The following CTDSPL2 variants were observed in gnomAD, a reference collection of about 807,000 sequenced individuals.
CTDSPL2 encodes the protein CTD small phosphatase like 2.
CTDSPL2 carries 5 observed loss-of-function variants against 60.0 expected under a neutral mutation model. That is an observed-to-expected ratio of 0.08 (90% confidence interval 0.04 to 0.18). The LOEUF (loss-of-function observed/expected upper bound fraction) is 0.18. CTDSPL2 is among the 10% of genes least tolerant of loss of function. The pLI is 1.00. For missense variants in CTDSPL2, 370 were observed against 548.8 expected, an observed-to-expected ratio of 0.67 and a Z score of 3.26; for synonymous variants, 186 against 189.3, an observed-to-expected ratio of 0.98 and a Z score of 0.14.
In CTDSPL2 at chr15:44,496,282, A is replaced by C. The variant is rs529136870; in HGVS notation, c.692-98A>C. Reference sequence around the variant, plus strand: ...CAAGTTATTTCTGTCTTTAAAATACACAAGGCTTTAGGAAGATCTTAGATA... The same window carrying C: ...CAAGTTATTTCTGTCTTTAAAATACCCAAGGCTTTAGGAAGATCTTAGATA... On this transcript the variant is annotated intron_variant, in intron 5 of 12. Coordinates refer to ENST00000260327, the MANE Select transcript of CTDSPL2 (RefSeq NM_016396.3). 118 of 803,880 alleles carry C rather than the reference A, an allele frequency of 1.5e-4. No homozygotes were observed. In the African/African-American group the frequency reaches 1.9e-3, roughly 13 times the overall value. 49.8% of individuals were successfully genotyped at this position (803,880 alleles called of 1,614,324 possible).
intron 4 of CTDSPL2, among the ~76,000 whole-genome samples, chr15:44,489,253 G>T (rs1380093136): frequency 1.3e-5 from 2 of 151,472 alleles, no homozygotes; most frequent in African/African-American, 2.4e-5. Flanking sequence ...CCTGCAACTA[G>T]GGTCTGAGAA....
At chr15:44,512,219 G>T (rs2081579677) in intron 8 of CTDSPL2, among the ~76,000 whole-genome samples, 1 of 151,894 alleles carries the variant, frequency 6.6e-6, no homozygotes, top group African/African-American at 2.4e-5. Flanking sequence ...AAAACAGCCT[G>T]AAACTTTTTG....
chr15:44,451,312 G>A (rs1036414369), intron 1 of CTDSPL2, among the ~76,000 whole-genome samples: 1 of 151,950 alleles, frequency 6.6e-6, no homozygotes, highest in African/African-American at 2.4e-5. Context: ...GTCTCCCTGT[G>A]TTGCCCAAGC....
chr15:44,499,240 A>G (rs373939921), intron 7 of CTDSPL2, among the ~76,000 whole-genome samples: 5 of 152,074 alleles, frequency 3.3e-5, no homozygotes, highest in East Asian at 3.9e-4. Flanking sequence ...CCCTGTCTCT[A>G]CTAAAAATAC....
intron 2 of CTDSPL2, among the ~76,000 whole-genome samples, chr15:44,462,282 T>C (rs2080587109): frequency 1.3e-5 from 2 of 152,280 alleles, no homozygotes; most frequent in East Asian, 3.9e-4. Context: ...TGTCCTTCTT[T>C]AGTAGCTTAA....
chr15:44,435,296 G>A (rs914416144), intron 1 of CTDSPL2, among the ~76,000 whole-genome samples: 10 of 149,426 alleles, frequency 6.7e-5, no homozygotes, highest in African/African-American at 2.5e-4. Flanking sequence ...CTAACTGTGC[G>A]CAATGGCTCA....
chr15:44,477,815 G>T lies in CTDSPL2; in HGVS notation c.187-6409G>T, dbSNP rs182094868. Among the ~76,000 whole-genome samples, 4 of 151,854 alleles carry T rather than the reference G, an allele frequency of 2.6e-5. No homozygotes were observed. In the East Asian group the frequency reaches 7.8e-4, roughly 29 times the overall value. ...ATCGTGCCATTGCACTCCATCCTGG[G>T]CAGCAAGAGCGAAACGTAGTCTCAA... On this transcript the variant is annotated intron_variant, in intron 2 of 12. Coordinates refer to ENST00000260327, the MANE Select transcript of CTDSPL2 (RefSeq NM_016396.3).
intron 1 of CTDSPL2, among the ~76,000 whole-genome samples, chr15:44,438,056 A>G (rs564391102): frequency 1.5e-4 from 23 of 152,212 alleles, no homozygotes; most frequent in African/African-American, 5.3e-4. Context: ...CGAGGTCAGG[A>G]GATTAAGACC....
At position 44,440,659 on chromosome 15, in the gene CTDSPL2, AT is replaced by A. The variant is rs145844391; in HGVS notation, c.-25+12897del. 8.3e-4 allele frequency among the ~76,000 whole-genome samples: 125 copies of A among 150,376 alleles called. 1 individual carries two copies. The highest frequency in any genetic ancestry group is 1.2e-3 in the Non-Finnish European group (80 of 67,370). On this transcript the variant is annotated intron_variant, in intron 1 of 12. Coordinates refer to ENST00000260327, the MANE Select transcript of CTDSPL2 (RefSeq NM_016396.3). ...AAAAAATTTAATTTCTGGTTTTTAA[AT>A]TTTTTTTTTAATTCATCTTGATTTC...
At chr15:44,508,567 C>T (rs1235655866) in intron 8 of CTDSPL2, among the ~76,000 whole-genome samples, 1 of 152,046 alleles carries the variant, frequency 6.6e-6, no homozygotes, top group Non-Finnish European at 1.5e-5. Flanking sequence ...AAACCTATTG[C>T]CACAATGTAG....
chr15:44,457,600 G>C (rs1454036573), intron 1 of CTDSPL2, among the ~76,000 whole-genome samples: 1 of 142,412 alleles, frequency 7.0e-6, no homozygotes, highest in Admixed American at 6.8e-5. Context: ...TTTTTTGGTT[G>C]GGGGGGGTGG....
In CTDSPL2 at chr15:44,525,984, A is replaced by C. The variant is rs1365935505; in HGVS notation, c.*1810A>C. The C allele has an allele frequency of 2.0e-5, 3 of 152,336 alleles. No homozygotes were observed. The highest frequency in any genetic ancestry group is 7.2e-5 in the African/African-American group (3 of 41,394). 9.4% of individuals were successfully genotyped at this position (152,336 alleles called of 1,614,324 possible). A position where few individuals can be genotyped will look rare whatever the true frequency, so the allele number is the denominator to read the frequency against. The stretch of plus-strand genomic sequence containing the variant: ...CATGGCAGATTTTCTGCAAAAAAAA[A>C]ACAAAAGCATTTGCAATTCAGAATA... On this transcript the variant is annotated 3_prime_UTR_variant, in exon 13 of 13. Transcript: ENST00000260327.
chr15:44,450,759 C>T (rs141062728), intron 1 of CTDSPL2, among the ~76,000 whole-genome samples: 153 of 151,696 alleles, frequency 1.0e-3, no homozygotes, highest in African/African-American at 3.3e-3. Context: ...CCATGTCCGG[C>T]TAATTTTTGT....
chr15:44,483,430 C>T (rs1048883837), intron 2 of CTDSPL2, among the ~76,000 whole-genome samples: 4 of 151,594 alleles, frequency 2.6e-5, no homozygotes, highest in Non-Finnish European at 4.4e-5. Context: ...CCCAGCTACT[C>T]GGGAGGCTGA....
intron 1 of CTDSPL2, among the ~76,000 whole-genome samples, chr15:44,438,114 A>C (rs1324678814): frequency 2.0e-5 from 3 of 152,172 alleles, no homozygotes; most frequent in South Asian, 2.1e-4. Flanking sequence ...AATACAAAAA[A>C]TTAGCCAGGC....
intron 5 of CTDSPL2, among the ~76,000 whole-genome samples, chr15:44,491,254 A>G (rs868149304): frequency 1.3e-5 from 2 of 152,156 alleles, no homozygotes; most frequent in Non-Finnish European, 2.9e-5. Context: ...TTGCTTGGAG[A>G]AATTTAATAC....
chr15:44,525,162 G>T lies in CTDSPL2; in HGVS notation c.*988G>T. 2 of 361,856 alleles carry T rather than the reference G, an allele frequency of 5.5e-6. No individual in the cohort carries two copies. The highest frequency in any genetic ancestry group is 9.9e-6 in the Non-Finnish European group (2 of 202,682). The allele number at this position is 361,856 out of a possible 1,614,324, so 22.4% of individuals were successfully genotyped here. A position where few individuals can be genotyped will look rare whatever the true frequency, so the allele number is the denominator to read the frequency against. On this transcript the variant is annotated 3_prime_UTR_variant, in exon 13 of 13. Transcript: ENST00000260327. Reference sequence around the variant, plus strand: ...ATGAAGTATTCAGCACAGTGACTCAGTATTTTTAGTTATTTTGCATGGGCT... The same window carrying T: ...ATGAAGTATTCAGCACAGTGACTCATTATTTTTAGTTATTTTGCATGGGCT...
chr15:44,431,029 C>T (rs527995786), intron 1 of CTDSPL2, among the ~76,000 whole-genome samples: 33 of 152,014 alleles, frequency 2.2e-4, no homozygotes, highest in African/African-American at 7.7e-4. Context: ...TCTATGTTGG[C>T]CAGGCTGGTC....
intron 10 of CTDSPL2, among the ~76,000 whole-genome samples, chr15:44,515,983 T>C (rs1476482282): frequency 1.3e-5 from 2 of 149,726 alleles, no homozygotes; most frequent in African/African-American, 5.0e-5. Flanking sequence ...TTTCTTTCTT[T>C]TTCTTTTTTT....
Sources: allele counts gnomAD v4.1 joint callset (sites outside exome capture counted in the v4.1 genomes callset), GRCh38; gene constraint gnomAD v4.1.1; transcripts MANE v1.5; gene names NCBI Gene and HGNC (gene_info 2026-07-23, HGNC 2026-07-21).